Variants in LTBP1 observed in about 807,000 individuals in gnomAD.
LTBP1 encodes latent transforming growth factor beta binding protein 1, also known as latent-transforming growth factor beta-binding protein 1.
Under a neutral mutation model 207.6 loss-of-function variants are expected in LTBP1, and 129 were observed. That is an observed-to-expected ratio of 0.62 (90% confidence interval 0.54 to 0.72). The LOEUF is 0.72. LTBP1 is among the 30% of genes least tolerant of loss of function. LTBP1 has a pLI of 0.00. For missense variants in LTBP1, 2,281 were observed against 2,217.2 expected, an observed-to-expected ratio of 1.03 and a Z score of -0.58; for synonymous variants, 963 against 833.7, an observed-to-expected ratio of 1.16 and a Z score of -2.67.
intron 31 of LTBP1, among the ~76,000 whole-genome samples, chr2:33,377,179 G>A (rs2095151328): frequency 6.6e-6 from 1 of 152,204 alleles, no homozygotes; most frequent in Non-Finnish European, 1.5e-5. Flanking sequence ...CAGAGCTCTG[G>A]AGGAGTGTCC....
In LTBP1 at chr2:33,361,567, T is replaced by C. The variant is rs75075558; in HGVS notation, c.4270+52T>C. 2,227 of 1,300,536 alleles carry C rather than the reference T, an allele frequency of 1.7e-3. 29 individuals are homozygous for C. The African/African-American group carries it at 0.029, about 17-fold the overall frequency. 80.6% of individuals were successfully genotyped at this position (1,300,536 alleles called of 1,614,324 possible). ...CAGCACATTGTGTACATGTCAGATA[T>C]TCAAGTGAAAACATGGCTTGGGTTT... On this transcript the variant is annotated intron_variant, in intron 28 of 33. Transcript: ENST00000404816.
Position 33,300,576 on chromosome 2 carries a change from A to ATTT in LTBP1, c.3358+3_3358+4insTTT. Reference sequence around the variant, plus strand: ...GGCAGCTAAAGACCAGTGTGAAGGTAAGAGGGTAGTAACATGAACTACTGA... The same window carrying ATTT: ...GGCAGCTAAAGACCAGTGTGAAGGTATTTAGAGGGTAGTAACATGAACTACTGA... On this transcript the variant is annotated splice_donor_region_variant and intron_variant, in intron 21 of 33. Coordinates refer to ENST00000404816, the MANE Select transcript of LTBP1 (RefSeq NM_206943.4). The ATTT allele has an allele frequency of 6.2e-7, 1 of 1,612,194 alleles. No homozygotes were observed. The highest frequency in any genetic ancestry group is 8.5e-7 in the Non-Finnish European group (1 of 1,178,806).
intron 19 of LTBP1, among the ~76,000 whole-genome samples, chr2:33,283,061 C>CAA (rs201168175): frequency 0.014 from 644 of 44,954 alleles, 15 homozygotes; most frequent in African/African-American, 0.033. Context: ...GACTCCATCT[C>CAA]AAAAAAAAAA....
intron 5 of LTBP1, among the ~76,000 whole-genome samples, chr2:33,179,791 G>T (rs1375345059): frequency 2.0e-5 from 3 of 152,176 alleles, no homozygotes; most frequent in Non-Finnish European, 4.4e-5. Flanking sequence ...TTTTTCCCCG[G>T]TTCTGTGTCC....
At chr2:33,084,926 A>G (rs1381025556) in intron 3 of LTBP1, among the ~76,000 whole-genome samples, 1 of 152,210 alleles carries the variant, frequency 6.6e-6, no homozygotes, top group Non-Finnish European at 1.5e-5. Flanking sequence ...CATCCCCCAA[A>G]AAGATATGTC....
At chr2:32,954,114 G>C (rs1472029844) in intron 2 of LTBP1, among the ~76,000 whole-genome samples, 2 of 152,184 alleles carry the variant, frequency 1.3e-5, no homozygotes, top group African/African-American at 4.8e-5. Context: ...TGCCACTGCA[G>C]ATCTTGTGGC....
At chr2:33,020,670 C>CAACAAAAT (rs1221850774) in intron 2 of LTBP1, among the ~76,000 whole-genome samples, 1 of 152,090 alleles carries the variant, frequency 6.6e-6, no homozygotes, top group Admixed American at 6.5e-5. Context: ...CTACAAAACA[C>CAACAAAAT]GTTGCTGGGG....
At chr2:33,242,348 C>T (rs2092357635) in intron 9 of LTBP1, among the ~76,000 whole-genome samples, 1 of 152,120 alleles carries the variant, frequency 6.6e-6, no homozygotes, top group African/African-American at 2.4e-5. Flanking sequence ...ATTTATATCT[C>T]TCCTCTTTCA....
At chr2:33,118,937 A>G (rs1299038259) in intron 4 of LTBP1, among the ~76,000 whole-genome samples, 2 of 152,214 alleles carry the variant, frequency 1.3e-5, no homozygotes, top group Non-Finnish European at 2.9e-5. Context: ...AATATTTCCA[A>G]GAAACTTACC....
chr2:33,048,972 G>T (rs1254485980), intron 3 of LTBP1, among the ~76,000 whole-genome samples: 28 of 152,090 alleles, frequency 1.8e-4, no homozygotes. Context: ...TGGTCTTGTT[G>T]CCCTGCAGAT....
intron 5 of LTBP1, among the ~76,000 whole-genome samples, chr2:33,184,199 A>G (rs2086947399): frequency 6.6e-6 from 1 of 152,076 alleles, no homozygotes; most frequent in African/African-American, 2.4e-5. Flanking sequence ...CTAATCCCGC[A>G]TGCCATCACT....
At chr2:32,964,336 G>C (rs1312246586) in intron 2 of LTBP1, among the ~76,000 whole-genome samples, 1 of 152,104 alleles carries the variant, frequency 6.6e-6, no homozygotes, top group Non-Finnish European at 1.5e-5. Flanking sequence ...TGTGAAATAG[G>C]GACTGTTTTC....
chr2:33,000,859 G>A lies in LTBP1; in HGVS notation c.566-20050G>A, dbSNP rs867535980. On this transcript the variant is annotated intron_variant, in intron 2 of 33. Coordinates refer to ENST00000404816, the MANE Select transcript of LTBP1 (RefSeq NM_206943.4). ...GGAGAACCAAGGTTGTTGACAGGAG[G>A]GGGGGTTCAAACACTCAACCCGCTT... is the stretch of plus-strand genomic sequence containing the variant. Among the ~76,000 whole-genome samples, 6 of 134,352 alleles carry A rather than the reference G, an allele frequency of 4.5e-5. 1 individual carries two copies. The highest frequency in any genetic ancestry group is 2.3e-4 in the Admixed American group (3 of 13,066). The allele number at this position is 134,352 out of a possible 152,430, so 88.1% of individuals were successfully genotyped here. A position where few individuals can be genotyped will look rare whatever the true frequency, so the allele number is the denominator to read the frequency against.
At chr2:33,081,452 G>T (rs1361111220) in intron 3 of LTBP1, among the ~76,000 whole-genome samples, 1 of 152,098 alleles carries the variant, frequency 6.6e-6, no homozygotes. Context: ...TTTGATCTAG[G>T]AATTGAAGGA....
intron 21 of LTBP1, 91 bp downstream of exon 21, chr2:33,300,664 A>T: frequency 7.5e-7 from 1 of 1,325,192 alleles, no homozygotes; most frequent in Non-Finnish European, 1.0e-6. Flanking sequence ...TTACCTTTTA[A>T]AAATTACCCA....
chr2:33,292,049 A>G (rs2093784933), intron 19 of LTBP1, among the ~76,000 whole-genome samples: 1 of 152,100 alleles, frequency 6.6e-6, no homozygotes, highest in Admixed American at 6.6e-5. Flanking sequence ...TAGTTTTAGC[A>G]TTTTGTGATT....
chr2:33,234,010 A>G (rs1370186491), intron 9 of LTBP1, among the ~76,000 whole-genome samples: 2 of 151,872 alleles, frequency 1.3e-5, no homozygotes, highest in African/African-American at 4.8e-5. Context: ...GCTTATCACT[A>G]CCCTTTCAAC....
intron 24 of LTBP1, chr2:33,317,963 T>G (rs1217865807): frequency 6.6e-6 from 1 of 152,170 alleles, no homozygotes; most frequent in Non-Finnish European, 1.5e-5. Flanking sequence ...CTTACATGTA[T>G]AGATTGAGTA....
At chr2:33,229,630 T>G (rs6543702) in intron 9 of LTBP1, among the ~76,000 whole-genome samples, 4,420 of 152,330 alleles carry the variant, frequency 0.029, 240 homozygotes, top group African/African-American at 0.1. Context: ...AAGTAATCAC[T>G]TGCTATCTAT....
Sources: gnomAD v4.1 joint callset for allele counts (sites outside exome capture counted in the v4.1 genomes callset) on GRCh38, gnomAD v4.1.1 for gene constraint, MANE v1.5 for transcripts, NCBI Gene and HGNC (gene_info 2026-07-23, HGNC 2026-07-21) for gene names.